The following RBFOX1 variants were observed in gnomAD, a reference collection of about 807,000 sequenced individuals.
The protein encoded by RBFOX1 is RNA binding protein fox-1 homolog 1.
RBFOX1 carries 8 observed loss-of-function variants against 57.7 expected under a neutral mutation model. The ratio of observed to expected loss-of-function variants is 0.14; its 90% CI spans 0.08 to 0.25. The LOEUF is 0.25. Among genes scored for constraint, RBFOX1 ranks in the 10% least tolerant of loss-of-function variants. The pLI, the probability that RBFOX1 is intolerant of heterozygous loss-of-function variation, is 1.00. For missense variants in RBFOX1, 611 were observed against 548.5 expected (o/e 1.11, Z -1.14); for synonymous variants, 326 against 222.4 (o/e 1.47, Z -4.15).
intron 3 of RBFOX1, among the ~76,000 whole-genome samples, chr16:6,895,604 G>A (rs981172904): frequency 2.0e-5 from 3 of 151,384 alleles, no homozygotes; most frequent in African/African-American, 7.3e-5. Flanking sequence ...AGGAGGAAGT[G>A]GAGGAGAAGA....
At chr16:7,674,185 A>G (rs997071252) in intron 13 of RBFOX1, among the ~76,000 whole-genome samples, 1 of 152,196 alleles carries the variant, frequency 6.6e-6, no homozygotes, top group African/African-American at 2.4e-5. Flanking sequence ...AAGGAAGACC[A>G]TGCAGTAAAG....
At chr16:6,160,603 C>T (rs1205512677) in intron 1 of RBFOX1, among the ~76,000 whole-genome samples, 2 of 152,294 alleles carry the variant, frequency 1.3e-5, no homozygotes, top group Admixed American at 1.3e-4. Context: ...TTTAAATGCA[C>T]GCATCTTCTC....
chr16:6,869,220 C>T (rs1275760661), intron 3 of RBFOX1, among the ~76,000 whole-genome samples: 1 of 152,176 alleles, frequency 6.6e-6, no homozygotes, highest in East Asian at 1.9e-4. Flanking sequence ...TTATCAGCAA[C>T]ACTTGCTGAC....
chr16:6,836,577 T>C (rs1283593528), intron 3 of RBFOX1, among the ~76,000 whole-genome samples: 1 of 152,108 alleles, frequency 6.6e-6, no homozygotes, highest in Non-Finnish European at 1.5e-5. Context: ...CCTAGAGAAA[T>C]CAAATCATCT....
intron 3 of RBFOX1, among the ~76,000 whole-genome samples, chr16:6,986,480 T>G (rs1016094675): frequency 5.9e-5 from 9 of 152,302 alleles, no homozygotes; most frequent in Non-Finnish European, 1.2e-4. Context: ...ATTACAGGCG[T>G]GAGCCACCAC....
intron 2 of RBFOX1, among the ~76,000 whole-genome samples, chr16:6,467,087 A>G (rs1044322426): frequency 6.6e-6 from 1 of 151,028 alleles, no homozygotes; most frequent in Non-Finnish European, 1.5e-5. Context: ...TAACCATTTA[A>G]TGTAATATAA....
intron 4 of RBFOX1, among the ~76,000 whole-genome samples, chr16:5,982,670 C>G (rs1001804031): frequency 1.3e-5 from 2 of 152,204 alleles, no homozygotes; most frequent in African/African-American, 2.4e-5. Flanking sequence ...GAAATCTCAT[C>G]TCACCACTGA....
intron 1 of RBFOX1, among the ~76,000 whole-genome samples, chr16:6,277,557 A>T (rs901004039): frequency 1.3e-5 from 2 of 149,684 alleles, no homozygotes; most frequent in African/African-American, 4.9e-5. Context: ...GGATCGCTTG[A>T]GCCCAGGAGT....
intron 2 of RBFOX1, among the ~76,000 whole-genome samples, chr16:6,363,534 C>T (rs1022617534): frequency 2.6e-5 from 4 of 152,222 alleles, no homozygotes; most frequent in Admixed American, 2.0e-4. Context: ...AAATTTTGCA[C>T]TTCTGCCGGT....
intron 2 of RBFOX1, among the ~76,000 whole-genome samples, chr16:5,467,644 C>T (rs1034595858): frequency 6.6e-6 from 1 of 152,166 alleles, no homozygotes; most frequent in African/African-American, 2.4e-5. Flanking sequence ...GGTACCAGAG[C>T]TTGGCCATGT....
chr16:6,465,775 A>C (rs546163994), intron 2 of RBFOX1, among the ~76,000 whole-genome samples: 1 of 151,906 alleles, frequency 6.6e-6, no homozygotes, highest in Non-Finnish European at 1.5e-5. Flanking sequence ...TATTTACTAT[A>C]TGGCTCTTTG....
At chr16:7,473,043 C>A (rs1203820632) in intron 4 of RBFOX1, among the ~76,000 whole-genome samples, 2 of 152,092 alleles carry the variant, frequency 1.3e-5, no homozygotes, top group Non-Finnish European at 2.9e-5. Context: ...AGAAGAATGT[C>A]TCTGTCCAAG....
intron 10 of RBFOX1, among the ~76,000 whole-genome samples, chr16:7,617,543 G>A (rs1286696438): frequency 2.0e-5 from 3 of 152,032 alleles, no homozygotes; most frequent in East Asian, 1.9e-4. Flanking sequence ...CAGCTTTAGC[G>A]GTTATATACT....
At chr16:6,515,825 C>G (rs1322265491) in intron 2 of RBFOX1, among the ~76,000 whole-genome samples, 1 of 152,034 alleles carries the variant, frequency 6.6e-6, no homozygotes, top group African/African-American at 2.4e-5. Context: ...AGTCTCTCAC[C>G]CACCCTAATG....
intron 3 of RBFOX1, among the ~76,000 whole-genome samples, chr16:6,665,639 AG>A (rs61412989): frequency 0.44 from 62,802 of 143,394 alleles, 13,960 homozygotes; most frequent in Non-Finnish European, 0.47. Context: ...AAAAAAAAAA[AG>A]AAGAAGGAGG....
At chr16:6,611,761 A>C (rs544510990) in intron 2 of RBFOX1, among the ~76,000 whole-genome samples, 1 of 152,264 alleles carries the variant, frequency 6.6e-6, no homozygotes, top group South Asian at 2.1e-4. Context: ...AGGAGAAGCC[A>C]GAACTCATCT....
chr16:6,846,069 T>G (rs2093738951), intron 3 of RBFOX1, among the ~76,000 whole-genome samples: 1 of 152,342 alleles, frequency 6.6e-6, no homozygotes, highest in East Asian at 1.9e-4. Context: ...TTGTAATCTG[T>G]GTCCATTCAT....
At chr16:7,443,326 T>C (rs1017014406) in intron 4 of RBFOX1, among the ~76,000 whole-genome samples, 1 of 152,174 alleles carries the variant, frequency 6.6e-6, no homozygotes, top group Non-Finnish European at 1.5e-5. Context: ...CAGCCTTTAC[T>C]GTGCTGAGTG....
intron 3 of RBFOX1, among the ~76,000 whole-genome samples, chr16:6,665,904 A>T (rs1321833886): frequency 6.6e-6 from 1 of 151,906 alleles, no homozygotes; most frequent in African/African-American, 2.4e-5. Flanking sequence ...CCCAAATCTC[A>T]TCTTGAATTG....
Sources: allele counts gnomAD v4.1 joint callset (sites outside exome capture counted in the v4.1 genomes callset), GRCh38; gene constraint gnomAD v4.1.1; transcripts MANE v1.5; gene names NCBI Gene and HGNC (gene_info 2026-07-23, HGNC 2026-07-21).